Variants in ABI3BP observed in about 807,000 individuals in gnomAD.
ABI3BP encodes the protein target of Nesh-SH3.
Under a neutral mutation model 268.6 loss-of-function variants are expected in ABI3BP, and 216 were observed. The ratio of observed to expected loss-of-function variants is 0.80; its 90% CI spans 0.72 to 0.90. The LOEUF (loss-of-function observed/expected upper bound fraction) is 0.90, where lower values mean the gene tolerates loss of function less well. Ranked by LOEUF, ABI3BP falls within the 40% of genes least tolerant of loss-of-function variation. The pLI, the probability that ABI3BP is intolerant of heterozygous loss-of-function variation, is 0.00. For synonymous variants in ABI3BP, 730 were observed against 730.0 expected, an observed-to-expected ratio of 1.00 and a Z score of 0.00; for missense variants, 2,090 against 2,182.4, an observed-to-expected ratio of 0.96 and a Z score of 0.84.
chr3:100,783,340 C>T (rs2096924764), intron 57 of ABI3BP, among the ~76,000 whole-genome samples: 1 of 152,170 alleles, frequency 6.6e-6, no homozygotes, highest in African/African-American at 2.4e-5. Flanking sequence ...TTGTGGTTCC[C>T]TCATTAGGGT....
At chr3:100,844,090 G>T (rs1211806223) in intron 20 of ABI3BP, 1 of 982,008 alleles carries the variant, frequency 1.0e-6, no homozygotes, top group African/African-American at 1.8e-5. Flanking sequence ...CAATCATAAG[G>T]TATTATAGGT....
chr3:100,808,127 A>G (rs1471946857), intron 50 of ABI3BP, 34 bp downstream of exon 50: 1 of 1,588,280 alleles, frequency 6.3e-7, no homozygotes, highest in Non-Finnish European at 8.6e-7. Flanking sequence ...CTAACCTCAA[A>G]CTTTTCAAGC....
In ABI3BP at chr3:100,796,410, A is replaced by G. The variant is rs186649663; in HGVS notation, c.3816T>C (p.Pro1272=). The stretch of plus-strand genomic sequence containing the variant: ...AGAAGGATGAAATAATTAATTTACC[A>G]GGTTCGCTCTGAGAGACCTCAGGGT... ...KPYPEVSQSE[P]VLQPVTFRFE... Residue 1272 remains proline, a splice_region_variant and synonymous_variant, in exon 52 of 68, where the codon CCT becomes CCC. Transcript: ENST00000471714. 6.8e-4 allele frequency: 1,080 copies of G among 1,577,830 alleles called. 3 individuals carry two copies. Among genetic ancestry groups the G allele is most frequent in the Non-Finnish European group, 6.5e-4 (752 of 1,164,686 alleles).
chr3:100,874,401 T>G (rs1220055727), intron 9 of ABI3BP, among the ~76,000 whole-genome samples: 1 of 152,216 alleles, frequency 6.6e-6, no homozygotes, highest in Non-Finnish European at 1.5e-5. Flanking sequence ...TTATGTTTTA[T>G]GTTTTTTAAA....
intron 57 of ABI3BP, among the ~76,000 whole-genome samples, chr3:100,783,855 A>C (rs1313773779): frequency 1.3e-5 from 2 of 152,226 alleles, no homozygotes; most frequent in East Asian, 3.8e-4. Flanking sequence ...GTGGGGCTGT[A>C]GTTTGCACAA....
chr3:100,977,464 A>G (rs551619362), intron 1 of ABI3BP, among the ~76,000 whole-genome samples: 1 of 152,286 alleles, frequency 6.6e-6, no homozygotes, highest in Admixed American at 6.5e-5. Flanking sequence ...TGGGGCTGGA[A>G]GATGTGCTTC....
At chr3:100,862,692 T>A (rs1174764053) in intron 13 of ABI3BP, 146 bp downstream of exon 13, 2 of 632,472 alleles carry the variant, frequency 3.2e-6, no homozygotes, top group Non-Finnish European at 5.2e-6. Flanking sequence ...CCAAATAGAT[T>A]TATTAAAAAA....
chr3:100,792,720 C>T lies in ABI3BP; in HGVS notation c.3995G>A (p.Arg1332Gln), dbSNP rs373865185. 1.1e-5 allele frequency: 18 copies of T among 1,611,378 alleles called. No individual in the cohort carries two copies. Among genetic ancestry groups the T allele is most frequent in the South Asian group, 4.4e-5 (4 of 91,010 alleles). ...AGTTGTCTTTGCTAGTTCAGTTGTT[C>T]GTGGAATCTTAGTTGTGAAAGGTTC... is the stretch of plus-strand genomic sequence containing the variant. ...TQEPFTTKIPRTTELAKTTQA... is the reference protein window; with the variant it reads ...TQEPFTTKIPQTTELAKTTQA... The change falls in exon 55 of 68, where the codon CGA becomes CAA. Residue 1332 changes from arginine (R) to glutamine (Q), a missense_variant. Transcript: ENST00000471714.
At chr3:100,869,452 C>T (rs984737814) in intron 9 of ABI3BP, among the ~76,000 whole-genome samples, 1 of 145,778 alleles carries the variant, frequency 6.9e-6, no homozygotes, top group African/African-American at 2.5e-5. Context: ...TCAAGTGAAA[C>T]AATTCTCCTG....
chr3:100,953,012 A>C (rs2075634342), intron 1 of ABI3BP, among the ~76,000 whole-genome samples: 1 of 152,128 alleles, frequency 6.6e-6, no homozygotes, highest in Non-Finnish European at 1.5e-5. Context: ...CTAAAACTTC[A>C]TCCTGCATCC....
intron 1 of ABI3BP, among the ~76,000 whole-genome samples, chr3:100,979,425 A>C (rs1243813492): frequency 6.6e-6 from 1 of 152,198 alleles, no homozygotes; most frequent in Non-Finnish European, 1.5e-5. Context: ...TTTTTTTAAA[A>C]GAAGATTACT....
intron 9 of ABI3BP, among the ~76,000 whole-genome samples, chr3:100,869,330 GTTTTTTTTTTTT>G (rs144604645): frequency 2.0e-5 from 1 of 49,762 alleles, no homozygotes; most frequent in East Asian, 7.7e-4. Flanking sequence ...CTTCTTTTTG[GTTTTTTTTTTTT>G]TTTTTTTTTT....
intron 14 of ABI3BP, among the ~76,000 whole-genome samples, chr3:100,852,324 G>T (rs1229719662): frequency 6.6e-6 from 1 of 152,222 alleles, no homozygotes; most frequent in African/African-American, 2.4e-5. Flanking sequence ...CAGTCCCATT[G>T]AGGCAATTTG....
At chr3:100,849,983 A>G (rs952507203) in intron 17 of ABI3BP, 62 bp downstream of exon 17, 2 of 1,410,600 alleles carry the variant, frequency 1.4e-6, no homozygotes, top group Non-Finnish European at 2.0e-6. Flanking sequence ...AATGGCCAAC[A>G]TGACTTCTCA....
intron 34 of ABI3BP, among the ~76,000 whole-genome samples, chr3:100,828,171 G>A (rs999388735): frequency 6.6e-6 from 1 of 152,116 alleles, no homozygotes; most frequent in African/African-American, 2.4e-5. Flanking sequence ...GAGAACTCTG[G>A]TTAAGCCAAA....
chr3:100,886,394 T>G, intron 4 of ABI3BP, 71 bp from the exon 5 acceptor site: 7 of 1,182,356 alleles, frequency 5.9e-6, no homozygotes, highest in Non-Finnish European at 7.8e-6. Flanking sequence ...AATTTCTTAC[T>G]TCATCACAGA....
Position 100,779,171 on chromosome 3 carries a change from A to C in ABI3BP, c.4241-795T>G, listed in dbSNP as rs1400267788. On this transcript the variant is annotated intron_variant, in intron 58 of 67. Coordinates refer to ENST00000471714, the MANE Select transcript of ABI3BP (RefSeq NM_001375547.2). ...TAATTAAAACCCTTTAGAACTTCTC[A>C]AAGACTACATCGAGGTAACCCTGAT... Among the ~76,000 whole-genome samples, 5 of 152,334 alleles carry C rather than the reference A, an allele frequency of 3.3e-5. No homozygotes were observed. In the East Asian group the frequency reaches 9.6e-4, roughly 29 times the overall value.
chr3:100,867,602 T>C (rs970987539), intron 9 of ABI3BP, among the ~76,000 whole-genome samples: 13 of 137,044 alleles, frequency 9.5e-5, no homozygotes, highest in Non-Finnish European at 1.7e-4. Flanking sequence ...GATCACGCCA[T>C]TGCACTCCAG....
chr3:100,850,249 T>C (rs2098822615), intron 16 of ABI3BP, 130 bp from the exon 17 acceptor site: 1 of 786,482 alleles, frequency 1.3e-6, no homozygotes, highest in Non-Finnish European at 2.1e-6. Flanking sequence ...AAAATGCATG[T>C]AGTCTTGAAA....
Sources: gnomAD v4.1 joint callset for allele counts (sites outside exome capture counted in the v4.1 genomes callset) on GRCh38, gnomAD v4.1.1 for gene constraint, MANE v1.5 for transcripts, NCBI Gene and HGNC (gene_info 2026-07-23, HGNC 2026-07-21) for gene names.